The following MGAM variants were observed in gnomAD, a reference collection of about 807,000 sequenced individuals.
MGAM encodes the protein maltase-glucoamylase, also known as alpha-1,4-glucosidase.
Under a neutral mutation model 358.8 loss-of-function variants are expected in MGAM, and 253 were observed. The ratio of observed to expected loss-of-function variants is 0.71; its 90% CI spans 0.64 to 0.78. MGAM has a LOEUF of 0.78. Ranked by LOEUF, MGAM falls within the 30% of genes least tolerant of loss-of-function variation. The pLI, the probability that MGAM is intolerant of heterozygous loss-of-function variation, is 0.00. For missense variants in MGAM, 3,080 were observed against 3,432.6 expected (o/e 0.90, Z 2.57); for synonymous variants, 1,105 against 1,227.1 (o/e 0.90, Z 2.08).
chr7:142,084,590 C>T lies in MGAM; in HGVS notation c.6453C>T (p.Asn2151=), dbSNP rs145357833. The T allele has an allele frequency of 1.1e-3, 1,661 of 1,556,388 alleles. 178 individuals are homozygous for T. Among genetic ancestry groups the T allele is most frequent in the African/African-American group, 9.2e-3 (687 of 74,564 alleles). Residue 2151 remains asparagine (N), a synonymous_variant, in exon 54 of 71, where the codon AAC becomes AAT. Transcript: ENST00000475668. ...GFQLCRYGYQ[N]DSEISSLYDE... is the part of the protein sequence containing the mutation. ...AGCTGTGTCGCTATGGCTACCAGAA[C>T]GACTCTGAGATCTCCAGCTTGTATG... is the stretch of plus-strand genomic sequence containing the variant.
chr7:142,062,104 T>C (rs1812261824), intron 34 of MGAM, among the ~76,000 whole-genome samples: 1 of 152,202 alleles, frequency 6.6e-6, no homozygotes, highest in Admixed American at 6.5e-5. Flanking sequence ...ACTTGTCTAA[T>C]ATCCAGAAAT....
chr7:142,095,733 C>G lies in MGAM; in HGVS notation c.7607+20C>G. 6.2e-7 allele frequency: 1 copy of G among 1,611,082 alleles called. No individual in the cohort carries two copies. The highest frequency in any genetic ancestry group is 8.5e-7 in the Non-Finnish European group (1 of 1,178,850). On this transcript the variant is annotated intron_variant, in intron 64 of 70. Coordinates refer to ENST00000475668, the MANE Select transcript of MGAM (RefSeq NM_001365693.1). ...CCATGAGTGAGTGTCCAGCAGGGAT[C>G]CCAATGCCTAATGGATGACTTATTG... is the stretch of plus-strand genomic sequence containing the variant.
At chr7:142,086,049 A>C in intron 55 of MGAM, 88 bp downstream of exon 55, 4 of 1,503,246 alleles carry the variant, frequency 2.7e-6, no homozygotes, top group Non-Finnish European at 3.6e-6. Context: ...TCCATGTTGC[A>C]AGTAGATAAA....
At chr7:142,063,734 G>A (rs1269175317) in intron 36 of MGAM, 148 bp downstream of exon 36, 13 of 961,282 alleles carry the variant, frequency 1.4e-5, no homozygotes, top group Non-Finnish European at 1.7e-5. Context: ...AGCTCTGCAC[G>A]TGCTTTACCC....
chr7:142,059,604 A>C lies in MGAM; in HGVS notation c.3948+4A>C. On this transcript the variant is annotated splice_donor_region_variant and intron_variant, in intron 32 of 70. Coordinates refer to ENST00000475668, the MANE Select transcript of MGAM (RefSeq NM_001365693.1). ...GATGCGGGTCATCCTCATTCTGGTT[A>C]GTCCTGATGTGAATGTGTGCGGTCT... 1 of 1,611,942 alleles carries C rather than the reference A, an allele frequency of 6.2e-7. No homozygotes were observed. The highest frequency in any genetic ancestry group is 8.5e-7 in the Non-Finnish European group (1 of 1,178,324).
intron 47 of MGAM, 107 bp downstream of exon 47, chr7:142,076,933 A>G: frequency 7.9e-7 from 1 of 1,269,762 alleles, no homozygotes; most frequent in Non-Finnish European, 1.1e-6. Flanking sequence ...GGCACCTTTG[A>G]TGCATGTTTT....
At chr7:142,082,714 C>A in intron 52 of MGAM, 143 bp downstream of exon 52, 2 of 706,282 alleles carry the variant, frequency 2.8e-6, no homozygotes, top group Admixed American at 2.9e-5. Context: ...TTGTGTTTAG[C>A]CTTTCTGTTC....
intron 21 of MGAM, among the ~76,000 whole-genome samples, chr7:142,047,149 C>T (rs1386100451): frequency 6.6e-6 from 1 of 152,106 alleles, no homozygotes; most frequent in African/African-American, 2.4e-5. Context: ...TGAGGAGAGA[C>T]TCCAAATAAA....
At chr7:142,022,542 G>A (rs1358725732) in intron 7 of MGAM, 103 bp downstream of exon 7, 2 of 1,240,654 alleles carry the variant, frequency 1.6e-6, no homozygotes, top group Non-Finnish European at 2.2e-6. Context: ...AGTCTAGAGT[G>A]AGACTACCTG....
intron 1 of MGAM, among the ~76,000 whole-genome samples, chr7:141,999,191 A>T (rs1804531032): frequency 6.6e-6 from 1 of 152,188 alleles, no homozygotes; most frequent in South Asian, 2.1e-4. Context: ...GAATAAATAA[A>T]CTGCAAGCAG....
intron 3 of MGAM, among the ~76,000 whole-genome samples, chr7:142,016,299 G>A (rs953020742): frequency 8.5e-5 from 13 of 152,098 alleles, no homozygotes; most frequent in Non-Finnish European, 1.5e-5. Context: ...TCGTGTTGGC[G>A]AAAGAGCCTG....
At chr7:142,097,474 G>A (rs1191324056) in intron 65 of MGAM, 119 bp from the exon 66 acceptor site, 4 of 938,404 alleles carry the variant, frequency 4.3e-6, no homozygotes, top group Non-Finnish European at 6.8e-6. Context: ...TGACCTCCTG[G>A]GACATGAGGC....
chr7:142,062,527 A>G (rs773564509), intron 34 of MGAM, 41 bp from the exon 35 acceptor site: 6 of 1,525,156 alleles, frequency 3.9e-6, no homozygotes, highest in Non-Finnish European at 4.4e-6. Context: ...GCTGTCTTCT[A>G]TATTTGTGTG....
At chr7:142,064,592 T>C in intron 37 of MGAM, 70 bp downstream of exon 37, 1 of 1,518,960 alleles carries the variant, frequency 6.6e-7, no homozygotes, top group Non-Finnish European at 8.9e-7. Context: ...ATAGCTACCC[T>C]AGTTTTCCTT....
chr7:142,022,476 A>G (rs781848438), intron 7 of MGAM, 37 bp downstream of exon 7: 13 of 1,591,834 alleles, frequency 8.2e-6, no homozygotes, highest in South Asian at 1.1e-5. Flanking sequence ...ACTGAATATC[A>G]TAGTCTCATT....
At chr7:142,069,359 C>A (rs1813135284) in intron 43 of MGAM, among the ~76,000 whole-genome samples, 1 of 145,946 alleles carries the variant, frequency 6.9e-6, no homozygotes, top group Non-Finnish European at 1.6e-5. Flanking sequence ...CCAGGGTCTT[C>A]CCGGGCAGCT....
intron 15 of MGAM, 28 bp from the exon 16 acceptor site, chr7:142,034,642 T>G: frequency 6.2e-7 from 1 of 1,601,998 alleles, no homozygotes; most frequent in Non-Finnish European, 8.5e-7. Flanking sequence ...GATCCCACAT[T>G]GACTCCTTAA....
chr7:142,098,791 A>T (rs1239219078), intron 66 of MGAM, among the ~76,000 whole-genome samples: 1 of 152,186 alleles, frequency 6.6e-6, no homozygotes, highest in African/African-American at 2.4e-5. Context: ...TTGGTTGAAG[A>T]GGAAAAGACA....
At chr7:142,095,311 T>C (rs1457921012) in intron 63 of MGAM, among the ~76,000 whole-genome samples, 3 of 152,220 alleles carry the variant, frequency 2.0e-5, no homozygotes, top group African/African-American at 7.2e-5. Context: ...TATTATTATG[T>C]TTTGTTCTTC....
Sources: gnomAD v4.1 joint callset for allele counts (sites outside exome capture counted in the v4.1 genomes callset) on GRCh38, gnomAD v4.1.1 for gene constraint, MANE v1.5 for transcripts, NCBI Gene and HGNC (gene_info 2026-07-23, HGNC 2026-07-21) for gene names.